The following P4HA1 variants were observed in gnomAD, a reference collection of about 807,000 sequenced individuals.
The protein encoded by P4HA1 is prolyl 4-hydroxylase subunit alpha-1.
In P4HA1, 24 loss-of-function variants were observed where a neutral mutation model predicts 72.8. The ratio of observed to expected loss-of-function variants is 0.33; its 90% CI spans 0.24 to 0.46. The LOEUF is 0.46. Ranked by LOEUF, P4HA1 falls within the 20% of genes least tolerant of loss-of-function variation. The pLI, the probability that P4HA1 is intolerant of heterozygous loss-of-function variation, is 1.00. For synonymous variants in P4HA1, 201 were observed against 218.8 expected (o/e 0.92, Z 0.72); for missense variants, 446 against 640.6 (o/e 0.70, Z 3.28).
intron 12 of P4HA1, among the ~76,000 whole-genome samples, chr10:73,013,275 G>GT (rs1420664914): frequency 1.3e-5 from 2 of 152,176 alleles, no homozygotes; most frequent in Non-Finnish European, 2.9e-5. Flanking sequence ...TGTAATTGCT[G>GT]TAACAGAATA....
At chr10:73,037,427 A>G (rs1840602223) in intron 9 of P4HA1, among the ~76,000 whole-genome samples, 1 of 149,280 alleles carries the variant, frequency 6.7e-6, no homozygotes, top group Non-Finnish European at 1.5e-5. Context: ...GGAAAGCTCC[A>G]AAGAAAAATG....
At position 73,029,641 on chromosome 10, in the gene P4HA1, A is replaced by ATTTT. The variant is rs143810789; in HGVS notation, c.1248+629_1248+630insAAAA. Among the ~76,000 whole-genome samples the ATTTT allele has an allele frequency of 2.4e-3, 359 of 151,168 alleles. 1 individual carries two copies. Among genetic ancestry groups the ATTTT allele is most frequent in the African/African-American group, 8.2e-3 (337 of 41,058 alleles). Reference sequence around the variant, plus strand: ...TTCTCTGGTTTATAGGCCTATGCTTAGTTTTTTTTTTTTACTATTGAAACC... The same window carrying ATTTT: ...TTCTCTGGTTTATAGGCCTATGCTTATTTTGTTTTTTTTTTTTACTATTGAAACC... On this transcript the variant is annotated intron_variant, in intron 10 of 14. Coordinates refer to ENST00000394890, the MANE Select transcript of P4HA1 (RefSeq NM_001017962.3).
At chr10:73,015,968 T>C (rs1840000551) in intron 11 of P4HA1, among the ~76,000 whole-genome samples, 3 of 152,156 alleles carry the variant, frequency 2.0e-5, no homozygotes, top group Admixed American at 1.3e-4. Flanking sequence ...TTTTTAATGT[T>C]AAAATAACAG....
intron 11 of P4HA1, among the ~76,000 whole-genome samples, chr10:73,015,427 T>C (rs1295008440): frequency 6.6e-6 from 1 of 152,196 alleles, no homozygotes; most frequent in East Asian, 1.9e-4. Context: ...CAAAATGCTC[T>C]GAAGTTCAAA....
chr10:73,039,285 TAA>T (rs59125564), intron 9 of P4HA1, among the ~76,000 whole-genome samples: 7,832 of 144,448 alleles, frequency 0.054, 643 homozygotes, highest in African/African-American at 0.18. Flanking sequence ...CCCTGCCTCT[TAA>T]AAAAAAAAAA....
intron 10 of P4HA1, among the ~76,000 whole-genome samples, chr10:73,028,588 C>T (rs11498023): frequency 0.019 from 2,893 of 152,114 alleles, 86 homozygotes; most frequent in African/African-American, 0.06. Context: ...TGTGCCACCA[C>T]GCCCAGCTAA....
intron 6 of P4HA1, among the ~76,000 whole-genome samples, chr10:73,052,399 A>T (rs1180672688): frequency 6.6e-6 from 1 of 152,226 alleles, no homozygotes; most frequent in Non-Finnish European, 1.5e-5. Flanking sequence ...AAGTGTGTGC[A>T]GGGAAGAGGC....
intron 11 of P4HA1, among the ~76,000 whole-genome samples, chr10:73,015,415 T>A (rs1839990669): frequency 6.6e-6 from 1 of 152,144 alleles, no homozygotes; most frequent in Non-Finnish European, 1.5e-5. Flanking sequence ...AAGTCCAAAA[T>A]GCAAAATGCT....
At position 73,068,828 on chromosome 10, in the gene P4HA1, A is replaced by G; in HGVS notation, c.463+18T>C. 6.2e-7 allele frequency: 1 copy of G among 1,602,864 alleles called. No homozygotes were observed. The highest frequency in any genetic ancestry group is 8.5e-7 in the Non-Finnish European group (1 of 1,170,132). On this transcript the variant is annotated intron_variant, in intron 5 of 14. Transcript: ENST00000394890. ...AGCTAGGTGATAGGTATTTTATAGA[A>G]TGGAAGAATGATCTTACCTGGAAGA...
chr10:73,085,828 C>T (rs1333108505), intron 1 of P4HA1, among the ~76,000 whole-genome samples: 1 of 152,116 alleles, frequency 6.6e-6, no homozygotes, highest in Non-Finnish European at 1.5e-5. Flanking sequence ...ACTTTGATGG[C>T]TACAGTAAAA....
intron 9 of P4HA1, among the ~76,000 whole-genome samples, chr10:73,035,848 T>C (rs1840557724): frequency 6.6e-6 from 1 of 152,198 alleles, no homozygotes; most frequent in Non-Finnish European, 1.5e-5. Context: ...AAAAATATTT[T>C]AATGGTTTAA....
intron 1 of P4HA1, among the ~76,000 whole-genome samples, chr10:73,079,226 T>C (rs1009410509): frequency 5.3e-5 from 8 of 152,006 alleles, no homozygotes; most frequent in African/African-American, 1.5e-4. Context: ...GAGGCTAAGG[T>C]GGGAGGATCA....
At position 73,030,877 on chromosome 10, in the gene P4HA1, T is replaced by C. The variant is rs61865784; in HGVS notation, c.1149-507A>G. On this transcript the variant is annotated intron_variant, in intron 9 of 14. Transcript: ENST00000394890. ...AAGGATGGACAATAACAGGTGTTGG[T>C]AAGGATGTGAAGAAACTGGAGCCCT... 7.3e-3 allele frequency among the ~76,000 whole-genome samples: 1,118 copies of C among 152,200 alleles called. 10 individuals are homozygous for C. The highest frequency in any genetic ancestry group is 0.012 in the Non-Finnish European group (824 of 68,012).
At chr10:73,021,340 T>C (rs1453537265) in intron 10 of P4HA1, among the ~76,000 whole-genome samples, 3 of 152,204 alleles carry the variant, frequency 2.0e-5, no homozygotes, top group Non-Finnish European at 2.9e-5. Flanking sequence ...GAAAGGAAAT[T>C]AGCATGATGA....
intron 10 of P4HA1, among the ~76,000 whole-genome samples, chr10:73,017,171 GTATA>G (rs941596383): frequency 4.5e-5 from 6 of 133,420 alleles, no homozygotes; most frequent in South Asian, 2.2e-4. Flanking sequence ...ATCTACAGAT[GTATA>G]TATAGATATC....
At chr10:73,067,341 C>T (rs570459395) in intron 5 of P4HA1, among the ~76,000 whole-genome samples, 6 of 152,304 alleles carry the variant, frequency 3.9e-5, no homozygotes, top group African/African-American at 7.2e-5. Context: ...TGGCCCCAAC[C>T]CAATCTCCAT....
At chr10:73,043,514 C>T (rs980325133) in intron 9 of P4HA1, among the ~76,000 whole-genome samples, 5 of 152,182 alleles carry the variant, frequency 3.3e-5, no homozygotes, top group African/African-American at 4.8e-5. Flanking sequence ...CACTTACTTA[C>T]GCAATACCTG....
chr10:73,074,964 G>A, intron 1 of P4HA1, 49 bp from the exon 2 acceptor site: 1 of 686,598 alleles, frequency 1.5e-6, no homozygotes, highest in East Asian at 2.7e-5. Flanking sequence ...AATACAAAGA[G>A]AAGGAAAAGT....
At chr10:73,068,686 T>G (rs1841481564) in intron 5 of P4HA1, among the ~76,000 whole-genome samples, 160 bp downstream of exon 5, 2 of 152,172 alleles carry the variant, frequency 1.3e-5, no homozygotes, top group African/African-American at 2.4e-5. Flanking sequence ...TATTAAGCCC[T>G]AAGAGAAAGG....
Sources: allele counts gnomAD v4.1 joint callset (sites outside exome capture counted in the v4.1 genomes callset), GRCh38; gene constraint gnomAD v4.1.1; transcripts MANE v1.5; gene names NCBI Gene and HGNC (gene_info 2026-07-23, HGNC 2026-07-21).